AFG2A: variants seen among roughly 807,000 people sequenced by gnomAD.
AFG2A encodes the protein ATPase family gene 2 protein homolog A.
chr4:123,128,482 C>T, the AFG2A span, among the ~76,000 whole-genome samples: 3 of 152,010 alleles, frequency 2.0e-5, no homozygotes, highest in African/African-American at 7.2e-5. Context: ...AACAACCATC[C>T]GAAACATCTA....
the AFG2A span, among the ~76,000 whole-genome samples, chr4:122,978,893 G>A: frequency 6.6e-6 from 1 of 152,228 alleles, no homozygotes; most frequent in African/African-American, 2.4e-5. Flanking sequence ...ACTGGGGAGA[G>A]GCCAGGCAGT....
At chr4:123,066,508 C>CTGATT in the AFG2A span, among the ~76,000 whole-genome samples, 1 of 152,052 alleles carries the variant, frequency 6.6e-6, no homozygotes, top group Non-Finnish European at 1.5e-5. Context: ...CTCATGTCTT[C>CTGATT]TGATTTAATG....
At chr4:122,935,403 C>T in the AFG2A span, among the ~76,000 whole-genome samples, 1 of 151,410 alleles carries the variant, frequency 6.6e-6, no homozygotes, top group Non-Finnish European at 1.5e-5. Context: ...CCTGTGTTGT[C>T]TGTGCTTGGT....
At chr4:122,934,629 C>CCA in the AFG2A span, 3 of 1,613,836 alleles carry the variant, frequency 1.9e-6, no homozygotes, top group Non-Finnish European at 2.5e-6. Context: ...AGCAAGACAA[C>CCA]CAATTCAAAG....
the AFG2A span, among the ~76,000 whole-genome samples, chr4:122,941,114 G>A: frequency 6.7e-5 from 10 of 149,066 alleles, no homozygotes; most frequent in Non-Finnish European, 1.4e-4. Flanking sequence ...TTGGTGATGC[G>A]GGCTCTTTTT....
the AFG2A span, among the ~76,000 whole-genome samples, chr4:123,001,807 A>G: frequency 5.0e-4 from 76 of 151,872 alleles, no homozygotes; most frequent in African/African-American, 1.7e-3. Flanking sequence ...AGTTCTGTAG[A>G]TGTCTATTAG....
the AFG2A span, among the ~76,000 whole-genome samples, chr4:123,215,688 C>T: frequency 1.3e-5 from 2 of 151,708 alleles, no homozygotes; most frequent in Non-Finnish European, 2.9e-5. Context: ...TACTATTTTT[C>T]CTACCTTCCC....
chr4:123,141,731 T>G, the AFG2A span, among the ~76,000 whole-genome samples: 1 of 152,244 alleles, frequency 6.6e-6, no homozygotes, highest in African/African-American at 2.4e-5. Flanking sequence ...GCAAGTTTTT[T>G]GCCCACTTTT....
chr4:122,949,957 G>A, the AFG2A span, among the ~76,000 whole-genome samples: 2 of 152,214 alleles, frequency 1.3e-5, no homozygotes, highest in Non-Finnish European at 2.9e-5. Flanking sequence ...CCAGAACCAC[G>A]TAATGATGTG....
chr4:123,124,492 G>T, the AFG2A span, among the ~76,000 whole-genome samples: 2 of 152,140 alleles, frequency 1.3e-5, no homozygotes, highest in African/African-American at 2.4e-5. Context: ...CTGTTGTGGG[G>T]TGTGGGGAGA....
At chr4:122,977,575 G>A in the AFG2A span, among the ~76,000 whole-genome samples, 1 of 152,244 alleles carries the variant, frequency 6.6e-6, no homozygotes, top group African/African-American at 2.4e-5. Context: ...CACAGCCCTT[G>A]CATCTGGGCT....
At chr4:122,992,558 G>T in the AFG2A span, among the ~76,000 whole-genome samples, 16 of 152,128 alleles carry the variant, frequency 1.1e-4, no homozygotes, top group African/African-American at 3.9e-4. Flanking sequence ...GTTTCAAATG[G>T]CTAGTTAATT....
At chr4:123,026,674 G>A in the AFG2A span, among the ~76,000 whole-genome samples, 1 of 152,070 alleles carries the variant, frequency 6.6e-6, no homozygotes, top group South Asian at 2.1e-4. Flanking sequence ...GAGACCTTAC[G>A]TGCTCTAAGA....
At chr4:123,016,521 A>G in the AFG2A span, among the ~76,000 whole-genome samples, 2 of 141,614 alleles carry the variant, frequency 1.4e-5, no homozygotes. Context: ...ATCTTAGACG[A>G]TGGGCGGCTG....
chr4:123,077,496 A>G, the AFG2A span, among the ~76,000 whole-genome samples: 3 of 152,164 alleles, frequency 2.0e-5, no homozygotes. Context: ...CATGAGGCTC[A>G]TGGGTCAGAA....
At chr4:123,167,599 G>A in the AFG2A span, among the ~76,000 whole-genome samples, 4 of 152,020 alleles carry the variant, frequency 2.6e-5, no homozygotes, top group East Asian at 1.9e-4. Flanking sequence ...CACCCACCTC[G>A]GCCTCCCAAA....
chr4:122,923,331 G>C, the AFG2A span: 2 of 1,612,854 alleles, frequency 1.2e-6, no homozygotes, highest in Non-Finnish European at 1.7e-6. Flanking sequence ...TGGGAGACTA[G>C]AGGCCGAGGG....
the AFG2A span, among the ~76,000 whole-genome samples, chr4:123,174,826 A>T: frequency 3.1e-3 from 460 of 150,390 alleles, 3 homozygotes; most frequent in South Asian, 8.0e-3. Flanking sequence ...TTTTAAAAAA[A>T]ATATATATAT....
At chr4:123,178,726 A>C in the AFG2A span, among the ~76,000 whole-genome samples, 2 of 152,192 alleles carry the variant, frequency 1.3e-5, no homozygotes, top group Admixed American at 1.3e-4. Flanking sequence ...AAATTGTCCA[A>C]ATTTACATTT....
Sources: gnomAD v4.1 joint callset for allele counts (sites outside exome capture counted in the v4.1 genomes callset) on GRCh38, gnomAD v4.1.1 for gene constraint, MANE v1.5 for transcripts, NCBI Gene and HGNC (gene_info 2026-07-23, HGNC 2026-07-21) for gene names.